TRMT9B: variants seen among roughly 807,000 people sequenced by gnomAD.
TRMT9B encodes the protein probable tRNA methyltransferase 9B.
TRMT9B carries 16 observed loss-of-function variants against 11.5 expected under a neutral mutation model. The ratio of observed to expected loss-of-function variants is 1.39; its 90% CI spans 0.94 to 2.11. The LOEUF is 2.11. Among genes scored for constraint, TRMT9B ranks in the 30% most tolerant of loss-of-function variants. The pLI is 0.00. For synonymous variants in TRMT9B, 274 were observed against 192.4 expected, an observed-to-expected ratio of 1.42 and a Z score of -3.51; for missense variants, 941 against 553.8, an observed-to-expected ratio of 1.70 and a Z score of -7.02.
rs909679818 is a variant in TRMT9B at position 13,026,429 on chromosome 8, G to C, written c.*4385G>C. On this transcript the variant is annotated 3_prime_UTR_variant, in exon 5 of 5. Transcript: ENST00000524591. ...CCTCTACCCCCGGGGCTTGTATATA[G>C]ATTATAAATATATAAGGGGGAAAGG... 3 of 126,904 alleles carry C rather than the reference G, an allele frequency of 2.4e-5. No individual in the cohort carries two copies. The highest frequency in any genetic ancestry group is 5.0e-5 in the Non-Finnish European group (3 of 60,506). 7.9% of individuals were successfully genotyped at this position (126,904 alleles called of 1,614,324 possible).
intron 1 of TRMT9B, among the ~76,000 whole-genome samples, chr8:12,979,198 C>T (rs978698998): frequency 1.3e-5 from 2 of 152,130 alleles, no homozygotes; most frequent in African/African-American, 4.8e-5. Flanking sequence ...GTGCTGCATC[C>T]AAAAATTCTC....
chr8:12,981,624 G>A (rs927518185), intron 1 of TRMT9B, among the ~76,000 whole-genome samples: 1 of 151,770 alleles, frequency 6.6e-6, no homozygotes, highest in Non-Finnish European at 1.5e-5. Context: ...GATAGAAACA[G>A]GGTCTCGCTC....
At chr8:12,966,110 G>T (rs2128865706) in intron 1 of TRMT9B, among the ~76,000 whole-genome samples, 1 of 151,434 alleles carries the variant, frequency 6.6e-6, no homozygotes, top group East Asian at 1.9e-4. Flanking sequence ...AGGATCACTT[G>T]AGCCCAGGAG....
intron 3 of TRMT9B, chr8:13,012,220 T>G: frequency 1.0e-6 from 1 of 985,548 alleles, no homozygotes; most frequent in Non-Finnish European, 1.2e-6. Flanking sequence ...CGCCGAAGGC[T>G]TTTCTTTTGC....
At chr8:13,016,746 C>G (rs1365638355) in intron 4 of TRMT9B, among the ~76,000 whole-genome samples, 1 of 151,332 alleles carries the variant, frequency 6.6e-6, no homozygotes, top group Non-Finnish European at 1.5e-5. Context: ...CTGGGGGTTA[C>G]GTTGCTCCTT....
chr8:12,959,142 C>G (rs1801706851), intron 1 of TRMT9B, among the ~76,000 whole-genome samples: 2 of 152,086 alleles, frequency 1.3e-5, no homozygotes, highest in South Asian at 4.1e-4. Context: ...CTTTGTAACA[C>G]AGGGGACCAT....
At chr8:12,976,371 T>TC (rs1377213628) in intron 1 of TRMT9B, among the ~76,000 whole-genome samples, 2 of 85,900 alleles carry the variant, frequency 2.3e-5, no homozygotes, top group Admixed American at 3.9e-4. Flanking sequence ...TGCTTTACTT[T>TC]TTTTTTTTTC....
chr8:12,992,306 GAC>G (rs1163065149), intron 2 of TRMT9B, among the ~76,000 whole-genome samples: 17 of 152,280 alleles, frequency 1.1e-4, no homozygotes, highest in Admixed American at 1.0e-3. Context: ...GAGAGTTCAT[GAC>G]AGTATCCGGA....
intron 1 of TRMT9B, among the ~76,000 whole-genome samples, chr8:12,967,815 A>G (rs562708844): frequency 2.0e-5 from 3 of 152,374 alleles, no homozygotes; most frequent in African/African-American, 7.2e-5. Flanking sequence ...CATTGTTAAC[A>G]GTTTAATTTT....
At chr8:12,946,879 A>G (rs1030988235) in intron 1 of TRMT9B, among the ~76,000 whole-genome samples, 1 of 152,216 alleles carries the variant, frequency 6.6e-6, no homozygotes, top group Non-Finnish European at 1.5e-5. Flanking sequence ...GAAGTTCCCT[A>G]TGTACCTTGA....
intron 4 of TRMT9B, among the ~76,000 whole-genome samples, chr8:13,020,024 A>T (rs1271136396): frequency 6.6e-6 from 1 of 152,250 alleles, no homozygotes; most frequent in East Asian, 1.9e-4. Flanking sequence ...TGATCTGTAC[A>T]CAACCCCATT....
In TRMT9B at chr8:13,005,175, T is replaced by G. The variant is rs182064184; in HGVS notation, c.-1-1027T>G. On this transcript the variant is annotated intron_variant, in intron 2 of 4. Transcript: ENST00000524591. The stretch of plus-strand genomic sequence containing the variant: ...CTGGAGGTCATTATGTTAGCTGAAA[T>G]CAGTCAGGCACAGAAAGACAGGCTT... Among the ~76,000 whole-genome samples the G allele has an allele frequency of 2.4e-3, 369 of 151,940 alleles. 1 individual carries two copies. The highest frequency in any genetic ancestry group is 8.2e-3 in the African/African-American group (339 of 41,404).
chr8:13,021,272 G>T lies in TRMT9B; in HGVS notation c.593G>T (p.Ser198Ile), dbSNP rs746795812. The T allele has an allele frequency of 1.1e-5, 18 of 1,614,008 alleles. No homozygotes were observed. In the South Asian group the frequency reaches 2.0e-4, roughly 18 times the overall value. The change falls in exon 5 of 5, where the codon AGC becomes ATC. Residue 198 changes from serine to isoleucine, a missense_variant. Physicochemically the swap from Ser to Ile is moderately radical, Grantham distance 142. Coordinates refer to ENST00000524591, the MANE Select transcript of TRMT9B (RefSeq NM_020844.3). The stretch of plus-strand genomic sequence containing the variant: ...TACCATCCTCCTTGCTCTGAGTGTA[G>T]CTGTTCTGTTTGTTTTAAAGAGCAG... The part of the protein sequence containing the change: ...HPYHPPCSEC[S>I]CSVCFKEQCG...
chr8:12,955,801 G>A (rs1801226822), intron 1 of TRMT9B, among the ~76,000 whole-genome samples: 2 of 152,222 alleles, frequency 1.3e-5, no homozygotes, highest in South Asian at 2.1e-4. Context: ...GCAACTGAAA[G>A]TAGGGGAGGG....
At chr8:12,947,236 A>T (rs1800310858) in intron 1 of TRMT9B, among the ~76,000 whole-genome samples, 1 of 152,232 alleles carries the variant, frequency 6.6e-6, no homozygotes, top group African/African-American at 2.4e-5. Context: ...CCTAAAGATC[A>T]GTCTGAGAGA....
At chr8:12,981,285 G>A (rs1247198536) in intron 1 of TRMT9B, among the ~76,000 whole-genome samples, 1 of 152,206 alleles carries the variant, frequency 6.6e-6, no homozygotes, top group African/African-American at 2.4e-5. Context: ...TCCTCTCGTT[G>A]TCACAGAGAA....
At chr8:12,981,401 G>A (rs1585189926) in intron 1 of TRMT9B, among the ~76,000 whole-genome samples, 1 of 152,146 alleles carries the variant, frequency 6.6e-6, no homozygotes, top group Non-Finnish European at 1.5e-5. Flanking sequence ...GGCTTTAGGC[G>A]ACATGCTCAG....
chr8:13,002,869 C>T (rs1187178734), intron 2 of TRMT9B, among the ~76,000 whole-genome samples: 1 of 152,048 alleles, frequency 6.6e-6, no homozygotes, highest in African/African-American at 2.4e-5. Flanking sequence ...AGAGGCTGTC[C>T]AGGGACAGTA....
rs756365242 is a variant in TRMT9B, at chr8:13,021,996, TCATGGTAA to T, written c.1319_1326del (p.His440LeufsTer12). Reference sequence around the variant, plus strand: ...TCCGTATCCTGAGTTCTGGGAATGATCATGGTAACTGGTGTATCATTGCAGAGAAAAAG... The same window carrying T: ...TCCGTATCCTGAGTTCTGGGAATGATCTGGTGTATCATTGCAGAGAAAAAG... On this transcript the variant is annotated frameshift_variant, in exon 5 of 5. Transcript: ENST00000524591. LOFTEE classifies it high-confidence loss of function. 1.2e-6 allele frequency: 2 copies of T among 1,612,118 alleles called. No homozygotes were observed. Among genetic ancestry groups the T allele is most frequent in the Admixed American group, 3.3e-5 (2 of 59,706 alleles).
Sources: allele counts gnomAD v4.1 joint callset (sites outside exome capture counted in the v4.1 genomes callset), GRCh38; gene constraint gnomAD v4.1.1; transcripts MANE v1.5; gene names NCBI Gene and HGNC (gene_info 2026-07-23, HGNC 2026-07-21).